Variants in COLEC10 observed in about 807,000 individuals in gnomAD.
COLEC10 encodes collectin-10.
COLEC10 carries 22 observed loss-of-function variants against 28.4 expected under a neutral mutation model. The ratio of observed to expected loss-of-function variants is 0.78; its 90% CI spans 0.55 to 1.11. COLEC10 has a LOEUF of 1.11. Among genes scored for constraint, COLEC10 ranks in the 50% least tolerant of loss-of-function variants. The pLI is 0.00. For missense variants in COLEC10, 361 were observed against 344.1 expected (o/e 1.05, Z -0.39); for synonymous variants, 125 against 116.1 (o/e 1.08, Z -0.49).
the COLEC10 span, among the ~76,000 whole-genome samples, chr8:118,967,361 T>C: frequency 6.6e-6 from 1 of 152,154 alleles, no homozygotes; most frequent in Non-Finnish European, 1.5e-5. Context: ...TTGCCTCTAA[T>C]ATGCCACCTT....
the COLEC10 span, among the ~76,000 whole-genome samples, chr8:118,967,823 G>A: frequency 9.9e-5 from 15 of 152,114 alleles, 1 homozygote; most frequent in South Asian, 1.9e-3. Flanking sequence ...AATCATATTA[G>A]CATTGAAAAT....
chr8:119,049,199 G>T (rs1266486415), intron 2 of COLEC10, among the ~76,000 whole-genome samples: 2 of 151,992 alleles, frequency 1.3e-5, no homozygotes, highest in Non-Finnish European at 2.9e-5. Flanking sequence ...CTACTGAGAG[G>T]TCTGCTGCTA....
At chr8:118,956,591 T>C in the COLEC10 span, among the ~76,000 whole-genome samples, 1 of 152,212 alleles carries the variant, frequency 6.6e-6, no homozygotes, top group African/African-American at 2.4e-5. Context: ...GAAACTCAGA[T>C]AGTCATCTAG....
chr8:119,069,707 C>A (rs1311426124), intron 1 of COLEC10, among the ~76,000 whole-genome samples: 1 of 138,876 alleles, frequency 7.2e-6, no homozygotes, highest in Non-Finnish European at 1.5e-5. Context: ...AATACTGTGA[C>A]AACCCCTCCC....
At chr8:118,967,283 A>G in the COLEC10 span, among the ~76,000 whole-genome samples, 2 of 152,148 alleles carry the variant, frequency 1.3e-5, no homozygotes, top group Non-Finnish European at 2.9e-5. Context: ...TCATAAATTT[A>G]CCATCAGAAA....
In COLEC10 at chr8:119,107,004, C is replaced by A. The variant is rs970928095; in HGVS notation, c.*813C>A. Reference sequence around the variant, plus strand: ...TTCACAAACAATACTGGTTATAGTTCTCTTGCTAAATTGCCCACTGCTATT... The same window carrying A: ...TTCACAAACAATACTGGTTATAGTTATCTTGCTAAATTGCCCACTGCTATT... On this transcript the variant is annotated 3_prime_UTR_variant, in exon 6 of 6. Transcript: ENST00000332843. Among the ~76,000 whole-genome samples the A allele has an allele frequency of 6.6e-6, 1 of 152,120 alleles. No homozygotes were observed. The highest frequency in any genetic ancestry group is 1.5e-5 in the Non-Finnish European group (1 of 68,032).
intron 1 of COLEC10, among the ~76,000 whole-genome samples, chr8:118,997,026 C>T (rs1031716814): frequency 1.2e-4 from 19 of 152,218 alleles, no homozygotes; most frequent in Admixed American, 6.5e-5. Context: ...CTACCTCCCA[C>T]ACTGGAGATC....
At chr8:119,067,474 T>A (rs1342409158) in intron 1 of COLEC10, 45 bp downstream of exon 1, 1 of 1,555,302 alleles carries the variant, frequency 6.4e-7, no homozygotes, top group African/African-American at 1.4e-5. Flanking sequence ...AAATATGATA[T>A]CTTCCCTCAT....
chr8:119,049,515 C>T (rs960871008), intron 2 of COLEC10, among the ~76,000 whole-genome samples: 1 of 146,092 alleles, frequency 6.8e-6, no homozygotes, highest in Non-Finnish European at 1.5e-5. Flanking sequence ...CCAGGGTTCA[C>T]GCCATTCTCC....
chr8:119,029,104 T>C (rs1814244357), intron 2 of COLEC10, among the ~76,000 whole-genome samples: 1 of 152,138 alleles, frequency 6.6e-6, no homozygotes, highest in Admixed American at 6.5e-5. Context: ...CCTCACTAGC[T>C]GCGGGGAGTC....
the COLEC10 span, among the ~76,000 whole-genome samples, chr8:118,972,308 G>GT: frequency 2.0e-5 from 3 of 151,924 alleles, no homozygotes; most frequent in Non-Finnish European, 2.9e-5. Flanking sequence ...GCAACTTCTT[G>GT]TTTTACTCCA....
chr8:119,060,902 A>G (rs940749780), intron 2 of COLEC10, among the ~76,000 whole-genome samples: 1 of 152,124 alleles, frequency 6.6e-6, no homozygotes, highest in African/African-American at 2.4e-5. Context: ...AACAAGAAAT[A>G]TATAAATTAA....
chr8:119,022,523 A>T (rs2130110214), intron 2 of COLEC10, among the ~76,000 whole-genome samples: 1 of 152,258 alleles, frequency 6.6e-6, no homozygotes, highest in Admixed American at 6.5e-5. Context: ...TGATGTTAGG[A>T]AAGACTACTT....
chr8:119,065,151 A>C (rs1814929063), upstream of COLEC10, among the ~76,000 whole-genome samples: 1 of 152,178 alleles, frequency 6.6e-6, no homozygotes, highest in Non-Finnish European at 1.5e-5. Flanking sequence ...AGGGGTCCCC[A>C]GTCCCCAGGC....
At chr8:119,101,073 G>T (rs749207640) in intron 3 of COLEC10, among the ~76,000 whole-genome samples, 3 of 152,150 alleles carry the variant, frequency 2.0e-5, no homozygotes, top group Non-Finnish European at 4.4e-5. Context: ...AACATGGGGC[G>T]CCCTACAGGT....
the COLEC10 span, among the ~76,000 whole-genome samples, chr8:118,985,621 C>T: frequency 3.1e-4 from 47 of 152,194 alleles, no homozygotes; most frequent in Admixed American, 2.7e-3. Context: ...CTCAAGCCTC[C>T]TTCTCCCTCT....
At chr8:119,062,633 C>G (rs1814878517), upstream of COLEC10, among the ~76,000 whole-genome samples, 1 of 152,072 alleles carries the variant, frequency 6.6e-6, no homozygotes, top group African/African-American at 2.4e-5. Flanking sequence ...GCATGTGTCA[C>G]TATGCCTGGC....
intron 1 of COLEC10, among the ~76,000 whole-genome samples, chr8:119,005,554 C>A (rs1328061270): frequency 1.3e-5 from 2 of 152,112 alleles, no homozygotes; most frequent in Non-Finnish European, 2.9e-5. Context: ...ACCAATAGTT[C>A]AGAGATGTTT....
intron 1 of COLEC10, among the ~76,000 whole-genome samples, chr8:119,005,082 A>T (rs576379620): frequency 6.6e-6 from 1 of 152,214 alleles, no homozygotes; most frequent in East Asian, 1.9e-4. Flanking sequence ...TCATCACATA[A>T]AAAGATCCTT....
Sources: allele counts gnomAD v4.1 joint callset (sites outside exome capture counted in the v4.1 genomes callset), GRCh38; gene constraint gnomAD v4.1.1; transcripts MANE v1.5; gene names NCBI Gene and HGNC (gene_info 2026-07-23, HGNC 2026-07-21).